The following OSBP2 variants were observed in gnomAD, a reference collection of about 807,000 sequenced individuals.
The protein encoded by OSBP2 is oxysterol-binding protein 2.
Under a neutral mutation model 96.0 loss-of-function variants are expected in OSBP2, and 66 were observed. That is an observed-to-expected ratio of 0.69 (90% CI 0.56 to 0.84). The LOEUF (loss-of-function observed/expected upper bound fraction) is 0.84. Ranked by LOEUF, OSBP2 falls within the 40% of genes least tolerant of loss-of-function variation. The pLI is 0.00. For missense variants in OSBP2, 1,038 were observed against 1,222.7 expected (o/e 0.85, Z 2.25); for synonymous variants, 525 against 520.9 (o/e 1.01, Z -0.11).
chr22:30,804,469 G>C (rs934148826), intron 2 of OSBP2, among the ~76,000 whole-genome samples: 1 of 152,210 alleles, frequency 6.6e-6, no homozygotes, highest in Non-Finnish European at 1.5e-5. Context: ...TGAAATGAAA[G>C]AGGAGGGGGG....
chr22:30,697,682 G>A (rs907488493), intron 1 of OSBP2, among the ~76,000 whole-genome samples: 1 of 152,214 alleles, frequency 6.6e-6, no homozygotes, highest in African/African-American at 2.4e-5. Flanking sequence ...TGGGGAGGAG[G>A]GAGTGAGAAC....
chr22:30,811,332 T>TTTTATTTATTTA (rs141199866), intron 2 of OSBP2, among the ~76,000 whole-genome samples: 3 of 138,088 alleles, frequency 2.2e-5, no homozygotes, highest in African/African-American at 8.2e-5. Flanking sequence ...TTTTTATTTA[T>TTTTATTTATTTA]TTTATTTATT....
chr22:30,897,116 A>T (rs2040084128), intron 12 of OSBP2, among the ~76,000 whole-genome samples: 1 of 152,262 alleles, frequency 6.6e-6, no homozygotes, highest in Non-Finnish European at 1.5e-5. Flanking sequence ...AAGCATTATT[A>T]AGGAAGGGAA....
chr22:30,711,174 T>A (rs895149201), intron 1 of OSBP2, among the ~76,000 whole-genome samples: 1 of 151,218 alleles, frequency 6.6e-6, no homozygotes, highest in African/African-American at 2.4e-5. Flanking sequence ...CAGTTGGTCA[T>A]TGTTTCTAGG....
rs1336183334 is a variant in OSBP2, at chr22:30,890,379, CCATT to C, written c.1624-346_1624-343del. On this transcript the variant is annotated intron_variant, in intron 7 of 13. Coordinates refer to ENST00000332585, the MANE Select transcript of OSBP2 (RefSeq NM_030758.4). This position sits in a 1 kb window ranked among gnomAD's most constrained non-coding sequence, Gnocchi z 4.4. Reference sequence around the variant, plus strand: ...TTCCTCCACCCACAGACTCATGTGCCCATTCAGTCACTGCTTCCTAAGATTCTGC... The same window carrying C: ...TTCCTCCACCCACAGACTCATGTGCCCAGTCACTGCTTCCTAAGATTCTGC... Among the ~76,000 whole-genome samples, 3 of 152,106 alleles carry C rather than the reference CCATT, an allele frequency of 2.0e-5. No homozygotes were observed. Among genetic ancestry groups the C allele is most frequent in the Admixed American group, 2.0e-4 (3 of 15,276 alleles).
chr22:30,888,919 A>G (rs2039879565), intron 5 of OSBP2, among the ~76,000 whole-genome samples: 1 of 152,232 alleles, frequency 6.6e-6, no homozygotes, highest in African/African-American at 2.4e-5. Context: ...ATTGTGACAC[A>G]ATGGTTAAGG....
intron 2 of OSBP2, among the ~76,000 whole-genome samples, chr22:30,798,231 C>A (rs545640926): frequency 6.6e-6 from 1 of 152,296 alleles, no homozygotes; most frequent in Admixed American, 6.5e-5. Flanking sequence ...TGTGTATCTT[C>A]TTTGGATAAA....
chr22:30,714,080 G>C (rs1342681755), intron 1 of OSBP2, among the ~76,000 whole-genome samples: 1 of 151,956 alleles, frequency 6.6e-6, no homozygotes, highest in Non-Finnish European at 1.5e-5. Flanking sequence ...ATCCTTCCCA[G>C]CCTCTAATAA....
chr22:30,854,842 A>G (rs2039048557), intron 2 of OSBP2, among the ~76,000 whole-genome samples: 2 of 152,206 alleles, frequency 1.3e-5, no homozygotes, highest in African/African-American at 2.4e-5. Flanking sequence ...TATAAAGGAA[A>G]GAGGTTTAGT....
chr22:30,784,385 C>G (rs1052366144), intron 2 of OSBP2, among the ~76,000 whole-genome samples: 1 of 151,812 alleles, frequency 6.6e-6, no homozygotes, highest in East Asian at 1.9e-4. Flanking sequence ...TCCTGAGTAG[C>G]TGGGACTACA....
At chr22:30,757,545 G>C (rs572437911) in intron 2 of OSBP2, among the ~76,000 whole-genome samples, 2 of 151,986 alleles carry the variant, frequency 1.3e-5, no homozygotes, top group African/African-American at 2.4e-5. Context: ...AGTCTCCCGA[G>C]TAGCTGGGTC....
intron 1 of OSBP2, among the ~76,000 whole-genome samples, chr22:30,736,166 G>A (rs1012347447): frequency 1.3e-5 from 2 of 151,938 alleles, no homozygotes; most frequent in Non-Finnish European, 2.9e-5. Flanking sequence ...CACCCACTTC[G>A]GCCTCCCAAA....
chr22:30,710,834 C>G (rs934741082), intron 1 of OSBP2, among the ~76,000 whole-genome samples: 2 of 152,222 alleles, frequency 1.3e-5, no homozygotes, highest in African/African-American at 4.8e-5. Flanking sequence ...TGGTCTCAAA[C>G]TCCTGACCTC....
chr22:30,749,340 G>C (rs956498940), intron 2 of OSBP2, among the ~76,000 whole-genome samples: 1 of 152,032 alleles, frequency 6.6e-6, no homozygotes, highest in Non-Finnish European at 1.5e-5. Context: ...GTCTTTAGTT[G>C]GTTAATATCA....
intron 1 of OSBP2, among the ~76,000 whole-genome samples, chr22:30,719,351 C>A (rs1195621714): frequency 5.3e-5 from 8 of 152,042 alleles, no homozygotes; most frequent in African/African-American, 1.9e-4. Context: ...TAACTGATAG[C>A]CAGCCACACA....
At chr22:30,877,584 C>T (rs1217066090) in intron 3 of OSBP2, among the ~76,000 whole-genome samples, 1 of 152,180 alleles carries the variant, frequency 6.6e-6, no homozygotes, top group East Asian at 1.9e-4. Context: ...AGTGAAAAAG[C>T]TGCGGGAGCA....
chr22:30,891,125 C>G, intron 8 of OSBP2, 152 bp downstream of exon 8: 2 of 949,112 alleles, frequency 2.1e-6, no homozygotes. Flanking sequence ...AGCCAGGGAG[C>G]AGGGCCTTCC....
intron 1 of OSBP2, among the ~76,000 whole-genome samples, chr22:30,728,971 G>T (rs1404988555): frequency 6.6e-6 from 1 of 152,126 alleles, no homozygotes; most frequent in Non-Finnish European, 1.5e-5. Context: ...TTTGGTACCT[G>T]CCTTCTGGTA....
intron 1 of OSBP2, among the ~76,000 whole-genome samples, chr22:30,715,599 T>G (rs1165555949): frequency 6.6e-6 from 1 of 151,536 alleles, no homozygotes; most frequent in Non-Finnish European, 1.5e-5. Context: ...TTGCCCAGGC[T>G]GGAGTGCAAT....
Sources: gnomAD v4.1 joint callset for allele counts (sites outside exome capture counted in the v4.1 genomes callset) on GRCh38, gnomAD v4.1.1 for gene constraint, Gnocchi (gnomAD v3.1) non-coding constraint, MANE v1.5 for transcripts, NCBI Gene and HGNC (gene_info 2026-07-23, HGNC 2026-07-21) for gene names.